CTNND2: variants seen among roughly 807,000 people sequenced by gnomAD.
CTNND2 encodes the protein catenin delta 2, also known as catenin delta-2.
In CTNND2, 22 loss-of-function variants were observed where a neutral mutation model predicts 144.4. The ratio of observed to expected loss-of-function variants is 0.15; its 90% CI spans 0.11 to 0.22. The LOEUF (loss-of-function observed/expected upper bound fraction) is 0.22. CTNND2 is among the 10% of genes least tolerant of loss of function. The pLI is 1.00. For synonymous variants in CTNND2, 751 were observed against 695.6 expected (o/e 1.08, Z -1.25); for missense variants, 1,353 against 1,618.8 (o/e 0.84, Z 2.82).
At chr5:11,144,617 T>C (rs1757069286) in intron 12 of CTNND2, among the ~76,000 whole-genome samples, 1 of 152,088 alleles carries the variant, frequency 6.6e-6, no homozygotes. Flanking sequence ...TCCACAGAAA[T>C]GGAAGCAGAG....
rs568927737 is a variant in CTNND2 at position 11,896,299 on chromosome 5, T to C, written c.37+7518A>G. On this transcript the variant is annotated intron_variant, in intron 1 of 21. Coordinates refer to ENST00000304623, the MANE Select transcript of CTNND2 (RefSeq NM_001332.4). ...ACTAAACAGAATATGAGCAATGTTT[T>C]CTAAATTTAAAAATGTGTATCGCTT... Among the ~76,000 whole-genome samples the C allele has an allele frequency of 1.2e-4, 19 of 152,308 alleles. No individual in the cohort carries two copies. The East Asian group carries it at 3.7e-3, about 29-fold the overall frequency.
At chr5:11,329,568 C>T (rs544414798) in intron 9 of CTNND2, among the ~76,000 whole-genome samples, 2 of 152,336 alleles carry the variant, frequency 1.3e-5, no homozygotes, top group South Asian at 4.2e-4. Context: ...CATAACACCT[C>T]TCTTAAGCCA....
intron 14 of CTNND2, among the ~76,000 whole-genome samples, chr5:11,107,515 G>C (rs963444820): frequency 6.6e-6 from 1 of 152,202 alleles, no homozygotes; most frequent in Non-Finnish European, 1.5e-5. Context: ...AAACCTTGTA[G>C]GTGGTGGGAT....
chr5:11,791,776 T>C (rs950005437), intron 1 of CTNND2, among the ~76,000 whole-genome samples: 4 of 152,300 alleles, frequency 2.6e-5, no homozygotes, highest in Admixed American at 6.5e-5. Flanking sequence ...CTGCTAAACT[T>C]TGGGATCCAT....
intron 11 of CTNND2, among the ~76,000 whole-genome samples, chr5:11,195,300 T>A (rs564700261): frequency 1.4e-3 from 207 of 152,280 alleles, no homozygotes; most frequent in Middle Eastern, 3.4e-3. Context: ...ACATCACTCA[T>A]GTGTGAGGGT....
intron 1 of CTNND2, among the ~76,000 whole-genome samples, chr5:11,768,589 G>C (rs1430883328): frequency 1.3e-5 from 2 of 152,104 alleles, no homozygotes; most frequent in Non-Finnish European, 2.9e-5. Context: ...CCACACCTGG[G>C]TGTTATTAAA....
At chr5:11,689,207 G>T (rs1784787228) in intron 2 of CTNND2, among the ~76,000 whole-genome samples, 1 of 152,192 alleles carries the variant, frequency 6.6e-6, no homozygotes, top group South Asian at 2.1e-4. Flanking sequence ...TACTGATGAA[G>T]TCTTAGTCTT....
At chr5:11,479,263 T>C (rs1768024851) in intron 3 of CTNND2, among the ~76,000 whole-genome samples, 1 of 152,204 alleles carries the variant, frequency 6.6e-6, no homozygotes, top group African/African-American at 2.4e-5. Flanking sequence ...GGTTTTCTAT[T>C]CTTGCGTTAG....
At chr5:11,135,475 C>T (rs1032996920) in intron 12 of CTNND2, among the ~76,000 whole-genome samples, 1 of 152,166 alleles carries the variant, frequency 6.6e-6, no homozygotes, top group African/African-American at 2.4e-5. Context: ...TGACAAAACA[C>T]ATGCAGAGAG....
chr5:11,200,901 G>A (rs958471585), intron 10 of CTNND2, among the ~76,000 whole-genome samples: 1 of 150,016 alleles, frequency 6.7e-6, no homozygotes, highest in Non-Finnish European at 1.5e-5. Context: ...GGATGGTCTC[G>A]ATCTCCTGAC....
chr5:11,553,105 A>G (rs1775909748), intron 3 of CTNND2, among the ~76,000 whole-genome samples: 1 of 152,186 alleles, frequency 6.6e-6, no homozygotes, highest in South Asian at 2.1e-4. Context: ...ACTGACTTCT[A>G]TATATTAATT....
intron 2 of CTNND2, among the ~76,000 whole-genome samples, chr5:11,683,023 C>T (rs1207115018): frequency 6.6e-6 from 1 of 152,184 alleles, no homozygotes; most frequent in Non-Finnish European, 1.5e-5. Flanking sequence ...ATTTAAATCA[C>T]ATTTTCTACA....
chr5:11,874,547 G>A (rs1323581585), intron 1 of CTNND2, among the ~76,000 whole-genome samples: 2 of 152,128 alleles, frequency 1.3e-5, no homozygotes, highest in African/African-American at 2.4e-5. Flanking sequence ...CCCAACAGGG[G>A]ACCCCATCAC....
At chr5:11,863,030 C>T (rs1379520062) in intron 1 of CTNND2, among the ~76,000 whole-genome samples, 1 of 152,210 alleles carries the variant, frequency 6.6e-6, no homozygotes, top group Non-Finnish European at 1.5e-5. Flanking sequence ...TACTGCTTGG[C>T]TGTCCCTAGT....
At chr5:11,001,530 TATTA>T (rs60691139) in intron 18 of CTNND2, among the ~76,000 whole-genome samples, 11,361 of 152,138 alleles carry the variant, frequency 0.075, 1,431 homozygotes, top group African/African-American at 0.26. Flanking sequence ...AAGATGACAG[TATTA>T]ATTATTGTAA....
chr5:11,687,153 T>C (rs1345427384), intron 2 of CTNND2, among the ~76,000 whole-genome samples: 1 of 152,282 alleles, frequency 6.6e-6, no homozygotes, highest in South Asian at 2.1e-4. Context: ...TTCCCAAACA[T>C]ACTGATTCTC....
chr5:11,575,861 T>C (rs138782176), intron 2 of CTNND2, among the ~76,000 whole-genome samples: 2 of 152,258 alleles, frequency 1.3e-5, no homozygotes, highest in African/African-American at 4.8e-5. Flanking sequence ...GTGATTCTTA[T>C]ACTTTCTCTG....
chr5:10,987,124 G>A (rs1251532545), intron 20 of CTNND2, among the ~76,000 whole-genome samples: 1 of 152,188 alleles, frequency 6.6e-6, no homozygotes, highest in Admixed American at 6.5e-5. Flanking sequence ...AGAGGATGTG[G>A]GGTCCCCGTT....
At chr5:11,877,993 A>C (rs1735688014) in intron 1 of CTNND2, among the ~76,000 whole-genome samples, 1 of 152,114 alleles carries the variant, frequency 6.6e-6, no homozygotes, top group Non-Finnish European at 1.5e-5. Context: ...AAACAAATAA[A>C]TATATCTTGT....
Sources: allele counts gnomAD v4.1 joint callset (sites outside exome capture counted in the v4.1 genomes callset), GRCh38; gene constraint gnomAD v4.1.1; transcripts MANE v1.5; gene names NCBI Gene and HGNC (gene_info 2026-07-23, HGNC 2026-07-21).